NDUFAF1: variants seen among roughly 807,000 people sequenced by gnomAD.
NDUFAF1 encodes the protein complex I intermediate-associated protein 30, mitochondrial.
In NDUFAF1, 18 loss-of-function variants were observed where a neutral mutation model predicts 28.7. That is an observed-to-expected ratio of 0.63 (90% CI 0.43 to 0.93). NDUFAF1 has a LOEUF of 0.93. Ranked by LOEUF, NDUFAF1 falls within the 40% of genes least tolerant of loss-of-function variation. The pLI is 0.00. For synonymous variants in NDUFAF1, 113 were observed against 139.7 expected (o/e 0.81, Z 1.35); for missense variants, 404 against 398.3 (o/e 1.01, Z -0.12).
Position 41,387,606 on chromosome 15 carries a change from T to TA in NDUFAF1, c.835-14dup. On this transcript the variant is annotated splice_polypyrimidine_tract_variant and intron_variant, in intron 4 of 4. Coordinates refer to ENST00000260361, the MANE Select transcript of NDUFAF1 (RefSeq NM_016013.4). Reference sequence around the variant, plus strand: ...CTATAGAAGAGATCTAAATTTAAAATACAGAAATTGATTAAAATCTCATAC... The same window carrying TA: ...CTATAGAAGAGATCTAAATTTAAAATAACAGAAATTGATTAAAATCTCATAC... 1 of 1,594,510 alleles carries TA rather than the reference T, an allele frequency of 6.3e-7. No homozygotes were observed.
chr15:41,397,184 A>G (rs898932470), intron 1 of NDUFAF1, 44 bp from the exon 2 acceptor site: 3 of 706,926 alleles, frequency 4.2e-6, no homozygotes, highest in Non-Finnish European at 7.2e-6. Context: ...ATAGCAATGA[A>G]TGCATCACAA....
intron 3 of NDUFAF1, among the ~76,000 whole-genome samples, chr15:41,392,936 G>A (rs1225233945): frequency 1.3e-5 from 2 of 152,072 alleles, no homozygotes; most frequent in Non-Finnish European, 2.9e-5. Flanking sequence ...TGAAGCTGCT[G>A]CAATAATCCA....
At chr15:41,387,885 G>A (rs1384559802) in intron 4 of NDUFAF1, among the ~76,000 whole-genome samples, 1 of 152,128 alleles carries the variant, frequency 6.6e-6, no homozygotes, top group Admixed American at 6.6e-5. Context: ...AGGCCAAGGT[G>A]GGCAGATCAC....
intron 3 of NDUFAF1, chr15:41,394,277 G>A (rs1056964766): frequency 8.6e-6 from 8 of 931,396 alleles, no homozygotes; most frequent in East Asian, 6.3e-5. Flanking sequence ...CAAGTGATCC[G>A]TCCGCCTTGG....
At chr15:41,391,716 C>A (rs1233171528) in intron 3 of NDUFAF1, among the ~76,000 whole-genome samples, 2 of 151,712 alleles carry the variant, frequency 1.3e-5, no homozygotes, top group African/African-American at 4.8e-5. Context: ...GTGATAAGTT[C>A]TATGAAGAAA....
chr15:41,396,509 G>A lies in NDUFAF1; in HGVS notation c.551C>T (p.Ala184Val), dbSNP rs1258234372. Residue 184 changes from alanine (A) to valine (V), a missense_variant, in exon 2 of 5, where the codon GCA (alanine) becomes GTA (valine). Coordinates refer to ENST00000260361, the MANE Select transcript of NDUFAF1 (RefSeq NM_016013.4). ...TACCCTTGGAATCCTGGATATCATT[G>A]CACAGTACCCACTTCGGGTAGACTC... ...DGESTRSGYCAMISRIPRGAF... is the reference protein window; with the variant it reads ...DGESTRSGYCVMISRIPRGAF... 1 of 1,613,964 alleles carries A rather than the reference G, an allele frequency of 6.2e-7. No individual in the cohort carries two copies. The highest frequency in any genetic ancestry group is 8.5e-7 in the Non-Finnish European group (1 of 1,180,036).
rs2050267391 is a variant in NDUFAF1 at position 41,387,523 on chromosome 15, C to T, written c.905G>A (p.Gly302Asp). ...GPFFLEIDFIGVFTDPAHTEE... is the reference protein window; with the variant it reads ...GPFFLEIDFIDVFTDPAHTEE... ...TGTATGAGCTGGATCAGTAAACACG[C>T]CAATAAAATCTATCTCCAGGAAGAA... is the stretch of plus-strand genomic sequence containing the variant. The change falls in exon 5 of 5, where the codon GGC (glycine) becomes GAC (aspartate). Residue 302 changes from glycine (G) to aspartate (D), a missense_variant. Gly to Asp is a moderately conservative substitution (Grantham distance 94, BLOSUM62 -1). Coordinates refer to ENST00000260361, the MANE Select transcript of NDUFAF1 (RefSeq NM_016013.4). 1 of 1,612,792 alleles carries T rather than the reference C, an allele frequency of 6.2e-7. No individual in the cohort carries two copies. The highest frequency in any genetic ancestry group is 1.3e-5 in the African/African-American group (1 of 74,850).
At chr15:41,387,838 G>T (rs920218553) in intron 4 of NDUFAF1, among the ~76,000 whole-genome samples, 1 of 152,106 alleles carries the variant, frequency 6.6e-6, no homozygotes, top group African/African-American at 2.4e-5. Context: ...AAGGACGGCC[G>T]GGCGTCGTGG....
intron 3 of NDUFAF1, among the ~76,000 whole-genome samples, chr15:41,389,354 T>TA (rs2050291499): frequency 1.3e-5 from 2 of 150,670 alleles, no homozygotes; most frequent in Admixed American, 1.3e-4. Flanking sequence ...GGCCTACAGG[T>TA]ATGAACCACC....
rs376645811 is a variant in NDUFAF1 at position 41,399,606 on chromosome 15, G to C, written c.-81-2466C>G. ...GCGGTGGCTCACGCCTGTAATCCCAGCACTTTGGGAGGCGGAGGCGGGCGG... is the reference window on the plus strand; with the variant it reads ...GCGGTGGCTCACGCCTGTAATCCCACCACTTTGGGAGGCGGAGGCGGGCGG... On this transcript the variant is annotated intron_variant, in intron 1 of 4. Coordinates refer to ENST00000260361, the MANE Select transcript of NDUFAF1 (RefSeq NM_016013.4). 2.6e-5 allele frequency among the ~76,000 whole-genome samples: 4 copies of C among 151,794 alleles called. No individual in the cohort carries two copies. In the East Asian group the frequency reaches 7.8e-4, roughly 30 times the overall value.
intron 2 of NDUFAF1, among the ~76,000 whole-genome samples, chr15:41,395,857 T>C (rs1252635757): frequency 6.6e-6 from 1 of 150,994 alleles, no homozygotes; most frequent in Non-Finnish European, 1.5e-5. Flanking sequence ...AGGCCAAGGG[T>C]GGGGTGGATC....
At chr15:41,393,461 A>AT (rs2050340341) in intron 3 of NDUFAF1, among the ~76,000 whole-genome samples, 1 of 149,150 alleles carries the variant, frequency 6.7e-6, no homozygotes, top group Non-Finnish European at 1.5e-5. Flanking sequence ...TTTTTTTTGT[A>AT]TTTTTTTAGT....
At chr15:41,401,562 A>T (rs1414581354) in intron 1 of NDUFAF1, among the ~76,000 whole-genome samples, 1 of 150,928 alleles carries the variant, frequency 6.6e-6, no homozygotes, top group African/African-American at 2.4e-5. Context: ...AGTCACTGGG[A>T]TTACAGGCGT....
Position 41,402,419 on chromosome 15 carries a change from C to A in NDUFAF1, c.-357G>T. Reference sequence around the variant, plus strand: ...CTGTCGCCTCCCCACACCCGGGACACACCAACCGCCGGCCTGCCGCCGCTT... The same window carrying A: ...CTGTCGCCTCCCCACACCCGGGACAAACCAACCGCCGGCCTGCCGCCGCTT... On this transcript the variant is annotated 5_prime_UTR_variant, in exon 1 of 5. Coordinates refer to ENST00000260361, the MANE Select transcript of NDUFAF1 (RefSeq NM_016013.4). The A allele has an allele frequency of 2.3e-6, 1 of 439,172 alleles. No homozygotes were observed. The highest frequency in any genetic ancestry group is 4.6e-6 in the Non-Finnish European group (1 of 216,330). 27.2% of individuals were successfully genotyped at this position (439,172 alleles called of 1,614,324 possible).
chr15:41,394,721 T>C, intron 3 of NDUFAF1, 138 bp downstream of exon 3: 1 of 780,878 alleles, frequency 1.3e-6, no homozygotes, highest in Non-Finnish European at 2.1e-6. Flanking sequence ...TTTCACCATG[T>C]TGGCCAACCT....
chr15:41,392,122 G>C (rs1469301896), intron 3 of NDUFAF1, among the ~76,000 whole-genome samples: 1 of 149,544 alleles, frequency 6.7e-6, no homozygotes, highest in Non-Finnish European at 1.5e-5. Flanking sequence ...ACCCAGGGTG[G>C]AGTACAGTGG....
Position 41,388,457 on chromosome 15 carries a change from C to T in NDUFAF1, c.825G>A (p.Pro275=), listed in dbSNP as rs781338396. Residue 275 remains proline, a synonymous_variant, in exon 4 of 5, where the codon CCG becomes CCA. Transcript: ENST00000260361. ...GRIRDVQHEL[P]LDKISSIGFT... The stretch of plus-strand genomic sequence containing the variant: ...TACAGGAATATGTTACCTTATCAAG[C>T]GGAAGCTCATGCTGAACATCCCGGA... 6.2e-6 allele frequency: 10 copies of T among 1,610,298 alleles called. No homozygotes were observed. The highest frequency in any genetic ancestry group is 2.2e-5 in the East Asian group (1 of 44,846).
chr15:41,400,972 CTT>C (rs57295983), intron 1 of NDUFAF1, among the ~76,000 whole-genome samples: 39 of 144,214 alleles, frequency 2.7e-4, no homozygotes, highest in African/African-American at 7.1e-4. Flanking sequence ...ATTATCAATA[CTT>C]TTTTTTTTTT....
At chr15:41,401,064 T>G (rs1439461553) in intron 1 of NDUFAF1, among the ~76,000 whole-genome samples, 1 of 151,378 alleles carries the variant, frequency 6.6e-6, no homozygotes, top group Non-Finnish European at 1.5e-5. Flanking sequence ...CAAGCGATTC[T>G]CTTGTCTCAG....
Sources: allele counts gnomAD v4.1 joint callset (sites outside exome capture counted in the v4.1 genomes callset), GRCh38; gene constraint gnomAD v4.1.1; transcripts MANE v1.5; gene names NCBI Gene and HGNC (gene_info 2026-07-23, HGNC 2026-07-21).